Variants in FBXL5 observed in about 807,000 individuals in gnomAD.
FBXL5 encodes F-box and leucine rich repeat protein 5.
Under a neutral mutation model 78.3 loss-of-function variants are expected in FBXL5, and 26 were observed. The ratio of observed to expected loss-of-function variants is 0.33; its 90% confidence interval spans 0.24 to 0.46. The LOEUF (loss-of-function observed/expected upper bound fraction) is 0.46. FBXL5 is among the 20% of genes least tolerant of loss of function. The pLI, the probability that FBXL5 is intolerant of heterozygous loss-of-function variation, is 1.00. For missense variants in FBXL5, 710 were observed against 829.2 expected, an observed-to-expected ratio of 0.86 and a Z score of 1.77; for synonymous variants, 295 against 282.5, an observed-to-expected ratio of 1.04 and a Z score of -0.45.
chr4:15,640,949 G>A, intron 2 of FBXL5, 66 bp from the exon 3 acceptor site: 1 of 860,474 alleles, frequency 1.2e-6, no homozygotes, highest in Non-Finnish European at 1.7e-6. Context: ...CTGGTCCCAG[G>A]AAGTTTAAAA....
chr4:15,613,150 CAG>C (rs1345557625), intron 9 of FBXL5, among the ~76,000 whole-genome samples: 1 of 152,000 alleles, frequency 6.6e-6, no homozygotes, highest in Non-Finnish European at 1.5e-5. Context: ...GGTAAATCCA[CAG>C]AGACACCAAG....
intron 3 of FBXL5, among the ~76,000 whole-genome samples, 180 bp from the exon 4 acceptor site, chr4:15,638,874 G>C (rs1714543243): frequency 6.6e-6 from 1 of 152,166 alleles, no homozygotes; most frequent in Non-Finnish European, 1.5e-5. Context: ...AGTACACCAA[G>C]AAGATCCTGG....
At chr4:15,629,595 T>G (rs1190323395) in intron 6 of FBXL5, among the ~76,000 whole-genome samples, 1 of 152,152 alleles carries the variant, frequency 6.6e-6, no homozygotes, top group East Asian at 1.9e-4. Flanking sequence ...TTGTTTTGCT[T>G]TTTTCCATTT....
chr4:15,661,941 G>A (rs1197375097), upstream of FBXL5, among the ~76,000 whole-genome samples: 1 of 152,200 alleles, frequency 6.6e-6, no homozygotes, highest in Admixed American at 6.5e-5. Context: ...AAGGACCTCA[G>A]GTCCTCACCA....
At chr4:15,642,461 C>G (rs1222395495) in intron 2 of FBXL5, among the ~76,000 whole-genome samples, 2 of 152,046 alleles carry the variant, frequency 1.3e-5, no homozygotes, top group African/African-American at 4.8e-5. Context: ...GTCTCGAACT[C>G]CTGACCTCAA....
intron 1 of FBXL5, among the ~76,000 whole-genome samples, chr4:15,647,222 C>CAAAAAAA (rs112736448): frequency 5.5e-4 from 20 of 36,408 alleles, no homozygotes; most frequent in Admixed American, 2.0e-3. Flanking sequence ...GACTCCATCT[C>CAAAAAAA]AAAAAAAAAA....
upstream of FBXL5, among the ~76,000 whole-genome samples, chr4:15,663,846 A>T (rs892541279): frequency 6.6e-6 from 1 of 152,198 alleles, no homozygotes. Context: ...CTGTATTCTC[A>T]TCTCATTTTC....
chr4:15,614,179 G>A (rs755557208), intron 9 of FBXL5, among the ~76,000 whole-genome samples: 50 of 152,198 alleles, frequency 3.3e-4, no homozygotes, highest in Admixed American at 8.5e-4. Flanking sequence ...GGGGCTTCCT[G>A]AGAGCCAAAC....
intron 4 of FBXL5, 67 bp downstream of exon 4, chr4:15,638,441 G>A: frequency 8.2e-7 from 1 of 1,218,660 alleles, no homozygotes. Context: ...AAAATCTACA[G>A]TTCATATCAG....
intron 9 of FBXL5, among the ~76,000 whole-genome samples, chr4:15,615,309 G>A (rs576703868): frequency 2.2e-4 from 33 of 152,216 alleles, no homozygotes; most frequent in African/African-American, 6.0e-4. Flanking sequence ...AGCACACGGC[G>A]CGGGACTGGC....
chr4:15,615,205 A>G (rs1711672796), intron 9 of FBXL5, among the ~76,000 whole-genome samples: 1 of 152,092 alleles, frequency 6.6e-6, no homozygotes, highest in South Asian at 2.1e-4. Context: ...CACCCACTCC[A>G]TGGGCTCCTG....
At chr4:15,621,637 T>C (rs574842690) in intron 9 of FBXL5, among the ~76,000 whole-genome samples, 3 of 152,310 alleles carry the variant, frequency 2.0e-5, no homozygotes, top group Non-Finnish European at 4.4e-5. Flanking sequence ...AGGACAAGTA[T>C]TGTATGATTC....
chr4:15,662,511 T>C (rs1175800702), upstream of FBXL5, among the ~76,000 whole-genome samples: 1 of 152,206 alleles, frequency 6.6e-6, no homozygotes, highest in Non-Finnish European at 1.5e-5. Flanking sequence ...GCTATATACA[T>C]TAAATAATGA....
intron 1 of FBXL5, among the ~76,000 whole-genome samples, chr4:15,646,461 GAA>G (rs756613157): frequency 7.5e-6 from 1 of 132,976 alleles, no homozygotes. Context: ...TCATTTTTTG[GAA>G]AAAAAAAAAA....
chr4:15,614,122 C>T (rs1711542097), intron 9 of FBXL5, among the ~76,000 whole-genome samples: 1 of 152,194 alleles, frequency 6.6e-6, no homozygotes, highest in African/African-American at 2.4e-5. Context: ...TCTTGTCCCA[C>T]AAGCATGTTC....
chr4:15,677,165 T>C (rs751220090), intron 1 of FBXL5, among the ~76,000 whole-genome samples: 2 of 152,200 alleles, frequency 1.3e-5, no homozygotes, highest in Admixed American at 1.3e-4. Context: ...AGGAAATATA[T>C]TCACAAAGGA....
chr4:15,623,808 T>C (rs1460666532), intron 9 of FBXL5, among the ~76,000 whole-genome samples: 2 of 151,902 alleles, frequency 1.3e-5, no homozygotes, highest in Non-Finnish European at 2.9e-5. Context: ...ATATGACTTA[T>C]GAAAAAATTT....
At chr4:15,652,573 C>T (rs1370901628) in intron 1 of FBXL5, among the ~76,000 whole-genome samples, 3 of 152,170 alleles carry the variant, frequency 2.0e-5, no homozygotes, top group South Asian at 2.1e-4. Flanking sequence ...CTAAGACATA[C>T]ATCTGTCAGC....
intron 1 of FBXL5, among the ~76,000 whole-genome samples, chr4:15,666,381 CAG>C (rs1717546461): frequency 6.6e-6 from 1 of 152,048 alleles, no homozygotes; most frequent in South Asian, 2.1e-4. Context: ...GCCAGGGAGA[CAG>C]AGCAAGACCC....
Sources: allele counts gnomAD v4.1 joint callset (sites outside exome capture counted in the v4.1 genomes callset), GRCh38; gene constraint gnomAD v4.1.1; transcripts MANE v1.5; gene names NCBI Gene and HGNC (gene_info 2026-07-23, HGNC 2026-07-21).